The following IRAG2 variants were observed in gnomAD, a reference collection of about 807,000 sequenced individuals.
IRAG2 encodes inositol 1,4,5-triphosphate receptor associated 2, also known as lymphoid restricted membrane protein.
Under a neutral mutation model 69.9 loss-of-function variants are expected in IRAG2, and 45 were observed. That is an observed-to-expected ratio of 0.64 (90% CI 0.51 to 0.83). IRAG2 has a LOEUF of 0.83. Ranked by LOEUF, IRAG2 falls within the 40% of genes least tolerant of loss-of-function variation. The pLI, the probability that IRAG2 is intolerant of heterozygous loss-of-function variation, is 0.00. For synonymous variants in IRAG2, 193 were observed against 202.4 expected (o/e 0.95, Z 0.40); for missense variants, 520 against 587.0 (o/e 0.89, Z 1.18).
chr12:25,011,213 C>T, intron 2 of IRAG2: 1 of 531,138 alleles, frequency 1.9e-6, no homozygotes, highest in Non-Finnish European at 2.9e-6. Context: ...TAGCCCAAGG[C>T]CAGTGTTCTT....
At chr12:25,004,431 A>T in exon 1 of IRAG2, 1 of 1,232,140 alleles carries the variant, frequency 8.1e-7, no homozygotes, top group Non-Finnish European at 1.0e-6. Flanking sequence ...AGAGAGAAGC[A>T]ATTTCAAATC....
chr12:25,099,502 C>A lies in IRAG2; in HGVS notation c.742-1676C>A, dbSNP rs1016068410. Reference sequence around the variant, plus strand: ...ACTGTTACCATCTTGATCTAAGCCTCCATTCTGTTTTGTCCAGATTAATGC... The same window carrying A: ...ACTGTTACCATCTTGATCTAAGCCTACATTCTGTTTTGTCCAGATTAATGC... On this transcript the variant is annotated intron_variant, in intron 15 of 21. Coordinates refer to ENST00000556887, the MANE Select transcript of IRAG2 (RefSeq NM_001366544.2). Among the ~76,000 whole-genome samples, 18 of 152,204 alleles carry A rather than the reference C, an allele frequency of 1.2e-4. No homozygotes were observed. In the South Asian group the frequency reaches 1.9e-3, roughly 16 times the overall value.
intron 9 of IRAG2, among the ~76,000 whole-genome samples, chr12:25,080,368 T>TC (rs1947116979): frequency 6.6e-6 from 1 of 151,702 alleles, no homozygotes; most frequent in African/African-American, 2.4e-5. Context: ...TTTTTTTTTT[T>TC]TGAGACGGAG....
chr12:25,054,712 ACTTGTTACTTGTAT>A (rs1262808471), intron 1 of IRAG2, among the ~76,000 whole-genome samples: 1 of 152,130 alleles, frequency 6.6e-6, no homozygotes, highest in East Asian at 1.9e-4. Flanking sequence ...GAAATCCCTT[ACTTGTTACTTGTAT>A]CTTTTGCTGC....
rs1945349410 is a variant in IRAG2, at chr12:25,057,616, A to G, written c.-446-3976A>G. ...CTATTTCTCTCATAATCCCTGCATT[A>G]TTTTGTTCTTATACTTTTAACTTCT... is the stretch of plus-strand genomic sequence containing the variant. On this transcript the variant is annotated intron_variant, in intron 1 of 21. Transcript: ENST00000556887. Among the ~76,000 whole-genome samples the G allele has an allele frequency of 2.6e-5, 4 of 152,024 alleles. No individual in the cohort carries two copies. In the South Asian group the frequency reaches 8.3e-4, roughly 32 times the overall value.
At chr12:25,031,672 T>C (rs1944668692) in intron 10 of IRAG2, among the ~76,000 whole-genome samples, 1 of 152,090 alleles carries the variant, frequency 6.6e-6, no homozygotes, top group Admixed American at 6.6e-5. Flanking sequence ...TTGTTTTTGT[T>C]TTGTTTTTTT....
chr12:25,012,144 C>CTT (rs1044436895), intron 3 of IRAG2, among the ~76,000 whole-genome samples: 1 of 30,368 alleles, frequency 3.3e-5, no homozygotes, highest in African/African-American at 1.5e-4. Context: ...AGCGAATTCC[C>CTT]TTTTTTTTTT....
At chr12:25,005,767 T>A (rs1162417644) in intron 2 of IRAG2, among the ~76,000 whole-genome samples, 1 of 152,222 alleles carries the variant, frequency 6.6e-6, no homozygotes, top group Non-Finnish European at 1.5e-5. Context: ...ATGTGTTTTT[T>A]AAAAAATTTC....
intron 6 of IRAG2, among the ~76,000 whole-genome samples, chr12:25,071,984 A>T (rs900548115): frequency 6.6e-6 from 1 of 152,098 alleles, no homozygotes; most frequent in Non-Finnish European, 1.5e-5. Context: ...CAGGTGGATC[A>T]CCTGAGGTCA....
At chr12:25,031,615 A>C (rs1459138012) in intron 10 of IRAG2, among the ~76,000 whole-genome samples, 1 of 152,130 alleles carries the variant, frequency 6.6e-6, no homozygotes, top group African/African-American at 2.4e-5. Flanking sequence ...GATTATATTG[A>C]CACCAGTTAC....
chr12:25,002,880 G>A (rs1368059797), upstream of IRAG2, among the ~76,000 whole-genome samples: 1 of 152,144 alleles, frequency 6.6e-6, no homozygotes, highest in Admixed American at 6.5e-5. Context: ...GACCTCAGGT[G>A]ATTCACTCAC....
At chr12:25,027,845 T>G (rs1944636221) in intron 9 of IRAG2, among the ~76,000 whole-genome samples, 2 of 152,250 alleles carry the variant, frequency 1.3e-5, no homozygotes, top group African/African-American at 4.8e-5. Context: ...AATTTCTATG[T>G]GTACATATGT....
At position 25,077,374 on chromosome 12, in the gene IRAG2, T is replaced by TATATATGAA. The variant is rs1565563657; in HGVS notation, c.25-1864_25-1863insGAAATATAT. Among the ~76,000 whole-genome samples the TATATATGAA allele has an allele frequency of 1.6e-4, 10 of 61,630 alleles. 1 individual carries two copies. The highest frequency in any genetic ancestry group is 4.3e-4 in the African/African-American group (7 of 16,208). 40.4% of individuals were successfully genotyped at this position (61,630 alleles called of 152,430 possible). A position where few individuals can be genotyped will look rare whatever the true frequency, so the allele number is the denominator to read the frequency against. On this transcript the variant is annotated intron_variant, in intron 6 of 21. Coordinates refer to ENST00000556887, the MANE Select transcript of IRAG2 (RefSeq NM_001366544.2). Reference sequence around the variant, plus strand: ...TATGATATATATGATATATATGAAATATATATATGATATATATATGAAATA... The same window carrying TATATATGAA: ...TATGATATATATGATATATATGAAATATATATGAAATATATATGATATATATATGAAATA...
intron 8 of IRAG2, 25 bp downstream of exon 8, chr12:25,079,487 A>T: frequency 1.3e-6 from 2 of 1,582,544 alleles, no homozygotes; most frequent in African/African-American, 1.3e-5. Context: ...AAATAATATT[A>T]AAATAGACTG....
At chr12:25,013,510 T>G (rs2139823908) in intron 3 of IRAG2, among the ~76,000 whole-genome samples, 1 of 152,232 alleles carries the variant, frequency 6.6e-6, no homozygotes, top group South Asian at 2.1e-4. Context: ...AGGCAGGCTC[T>G]TTGAGAAGTA....
intron 9 of IRAG2, among the ~76,000 whole-genome samples, chr12:25,028,594 A>G (rs190795188): frequency 3.8e-4 from 58 of 152,306 alleles, no homozygotes; most frequent in African/African-American, 1.4e-3. Context: ...ATAGTGTCTA[A>G]AAAGTCTATA....
intron 16 of IRAG2, chr12:25,101,855 A>G: frequency 2.0e-6 from 1 of 505,618 alleles, no homozygotes; most frequent in Non-Finnish European, 3.8e-6. Context: ...CAGAATTCTT[A>G]TTTCAAGAAT....
At chr12:25,046,392 T>C (rs1944793854) in intron 16 of IRAG2, among the ~76,000 whole-genome samples, 1 of 151,844 alleles carries the variant, frequency 6.6e-6, no homozygotes, top group Non-Finnish European at 1.5e-5. Flanking sequence ...CATATAAATA[T>C]AAAAGGAAGA....
chr12:25,088,208 A>AT (rs1342334294), intron 11 of IRAG2, 51 bp downstream of exon 11: 2 of 1,443,264 alleles, frequency 1.4e-6, no homozygotes, highest in South Asian at 1.1e-5. Flanking sequence ...CTCTGCTGAT[A>AT]TTTTTGTGGG....
Sources: gnomAD v4.1 joint callset for allele counts (sites outside exome capture counted in the v4.1 genomes callset) on GRCh38, gnomAD v4.1.1 for gene constraint, MANE v1.5 for transcripts, NCBI Gene and HGNC (gene_info 2026-07-23, HGNC 2026-07-21) for gene names.